SCMH1: variants seen among roughly 807,000 people sequenced by gnomAD.
SCMH1 encodes polycomb protein SCMH1.
Under a neutral mutation model 70.8 loss-of-function variants are expected in SCMH1, and 37 were observed. That is an observed-to-expected ratio of 0.52 (90% CI 0.40 to 0.69). SCMH1 has a LOEUF of 0.69. SCMH1 is among the 30% of genes least tolerant of loss of function. SCMH1 has a pLI of 0.00. For missense variants in SCMH1, 607 were observed against 827.3 expected (o/e 0.73, Z 3.27); for synonymous variants, 292 against 307.4 (o/e 0.95, Z 0.52).
chr1:41,051,604 GTA>G (rs1160319636), intron 10 of SCMH1, among the ~76,000 whole-genome samples: 1 of 152,000 alleles, frequency 6.6e-6, no homozygotes, highest in Non-Finnish European at 1.5e-5. Flanking sequence ...TAATGTGTGT[GTA>G]TGTCTTGGGT....
chr1:41,173,354 G>A (rs748818654), intron 2 of SCMH1, among the ~76,000 whole-genome samples: 11 of 152,088 alleles, frequency 7.2e-5, no homozygotes, highest in Non-Finnish European at 1.5e-4. Context: ...TGGCTAACAG[G>A]TATATGAAAA....
Position 41,191,753 on chromosome 1 carries a change from A to T in SCMH1, c.-117-5503T>A, listed in dbSNP as rs182632958. On this transcript the variant is annotated intron_variant, in intron 1 of 14. Transcript: ENST00000337495. ...GCATACAATATATATGTATTTTTTTAAAAAAATTGTCCAAAGGGGTAAATA... is the reference window on the plus strand; with the variant it reads ...GCATACAATATATATGTATTTTTTTTAAAAAATTGTCCAAAGGGGTAAATA... Among the ~76,000 whole-genome samples the T allele has an allele frequency of 2.3e-3, 345 of 152,180 alleles. 1 individual carries two copies. The highest frequency in any genetic ancestry group is 4.4e-3 in the East Asian group (23 of 5,172).
intron 8 of SCMH1, among the ~76,000 whole-genome samples, chr1:41,110,293 A>AT (rs1209448413): frequency 1.3e-5 from 2 of 152,080 alleles, no homozygotes; most frequent in Non-Finnish European, 1.5e-5. Context: ...AGCTCAAGTA[A>AT]TTTTTTTTAG....
At chr1:41,143,203 G>C in intron 5 of SCMH1, 91 bp from the exon 6 acceptor site, 1 of 878,362 alleles carries the variant, frequency 1.1e-6, no homozygotes, top group Non-Finnish European at 1.8e-6. Flanking sequence ...GCTGGGCCAG[G>C]GACAACCAAC....
chr1:41,153,079 ATTGT>A (rs1177222277), intron 4 of SCMH1, among the ~76,000 whole-genome samples: 1 of 152,236 alleles, frequency 6.6e-6, no homozygotes, highest in African/African-American at 2.4e-5. Flanking sequence ...ACATTTCATC[ATTGT>A]TTGCTGTTAG....
intron 10 of SCMH1, among the ~76,000 whole-genome samples, chr1:41,049,308 ATATG>A (rs1647196613): frequency 1.6e-5 from 1 of 60,726 alleles, no homozygotes; most frequent in Admixed American, 2.0e-4. Flanking sequence ...TAGCAAGGGC[ATATG>A]TGTGTGTGTG....
chr1:41,104,247 C>A (rs1667324056), intron 8 of SCMH1, among the ~76,000 whole-genome samples: 1 of 152,140 alleles, frequency 6.6e-6, no homozygotes, highest in Non-Finnish European at 1.5e-5. Context: ...TAACATGAGC[C>A]TGTAACTGTG....
At chr1:41,237,326 A>G (rs906304267) in intron 1 of SCMH1, among the ~76,000 whole-genome samples, 2 of 152,238 alleles carry the variant, frequency 1.3e-5, no homozygotes, top group African/African-American at 4.8e-5. Flanking sequence ...GCAAAGATTA[A>G]CCTACAACTA....
chr1:41,239,913 G>A (rs140260086), intron 1 of SCMH1, among the ~76,000 whole-genome samples: 8 of 152,316 alleles, frequency 5.3e-5, no homozygotes, highest in Admixed American at 6.5e-5. Flanking sequence ...GGGATTATAG[G>A]CATGAGCCCC....
chr1:41,118,775 C>G (rs1379238163), intron 6 of SCMH1, among the ~76,000 whole-genome samples: 1 of 152,218 alleles, frequency 6.6e-6, no homozygotes, highest in African/African-American at 2.4e-5. Flanking sequence ...CAATTTGCTT[C>G]AACTCTGCAT....
intron 11 of SCMH1, among the ~76,000 whole-genome samples, chr1:41,047,312 C>A (rs1413299292): frequency 1.3e-5 from 2 of 151,246 alleles, no homozygotes; most frequent in Non-Finnish European, 2.9e-5. Context: ...CAGACCATTA[C>A]ACAGAAACAA....
At chr1:41,112,116 T>A (rs750188800) in intron 8 of SCMH1, among the ~76,000 whole-genome samples, 54 of 152,360 alleles carry the variant, frequency 3.5e-4, no homozygotes, top group South Asian at 6.2e-4. Context: ...TTTCTGTCTA[T>A]AAAAATTATC....
At chr1:41,048,520 A>C (rs1303809003) in intron 11 of SCMH1, among the ~76,000 whole-genome samples, 170 bp downstream of exon 11, 1 of 152,202 alleles carries the variant, frequency 6.6e-6, no homozygotes, top group Non-Finnish European at 1.5e-5. Flanking sequence ...AGAGGTATGC[A>C]TAAGGCTCAG....
intron 10 of SCMH1, among the ~76,000 whole-genome samples, chr1:41,057,150 CA>C (rs1650630657): frequency 6.6e-6 from 1 of 152,172 alleles, no homozygotes; most frequent in South Asian, 2.1e-4. Flanking sequence ...GTTCACAGCC[CA>C]GGGGCAAAGG....
chr1:41,059,328 C>T (rs1360927366), intron 10 of SCMH1, among the ~76,000 whole-genome samples: 3 of 152,122 alleles, frequency 2.0e-5, no homozygotes, highest in Admixed American at 6.5e-5. Context: ...TTATCCTGTA[C>T]CCATATAAAC....
chr1:41,032,075 C>T (rs567593356), intron 13 of SCMH1, among the ~76,000 whole-genome samples: 7 of 152,222 alleles, frequency 4.6e-5, no homozygotes, highest in Admixed American at 2.6e-4. Flanking sequence ...GTCTATGAAC[C>T]AGGAAGTGGG....
intron 1 of SCMH1, among the ~76,000 whole-genome samples, chr1:41,232,038 G>T (rs1349362783): frequency 2.1e-5 from 3 of 145,662 alleles, no homozygotes; most frequent in East Asian, 4.0e-4. Flanking sequence ...AAAAAAAAAA[G>T]AAATTTTATA....
chr1:41,149,032 C>T (rs1307819044), intron 5 of SCMH1, among the ~76,000 whole-genome samples: 1 of 152,070 alleles, frequency 6.6e-6, no homozygotes, highest in Non-Finnish European at 1.5e-5. Flanking sequence ...ACTTCACGAT[C>T]CGCCCACCTC....
intron 9 of SCMH1, among the ~76,000 whole-genome samples, chr1:41,072,842 G>T (rs1657008861): frequency 6.6e-6 from 1 of 152,188 alleles, no homozygotes; most frequent in Non-Finnish European, 1.5e-5. Context: ...CTCAGCCTGG[G>T]TCACAGAGTG....
Sources: gnomAD v4.1 joint callset for allele counts (sites outside exome capture counted in the v4.1 genomes callset) on GRCh38, gnomAD v4.1.1 for gene constraint, MANE v1.5 for transcripts, NCBI Gene and HGNC (gene_info 2026-07-23, HGNC 2026-07-21) for gene names.